ABCC4: variants seen among roughly 807,000 people sequenced by gnomAD.
The protein encoded by ABCC4 is ATP binding cassette subfamily C member 4 (PEL blood group), also known as ATP-binding cassette sub-family C member 4.
A neutral mutation model predicts 168.5 loss-of-function variants in ABCC4; 102 were observed. The observed-to-expected ratio is 0.61, with a 90% CI of 0.52 to 0.71. ABCC4 has a LOEUF of 0.71. ABCC4 is among the 30% of genes least tolerant of loss of function. The probability of loss-of-function intolerance (pLI) is 0.00; values close to 1 mark genes in which losing one functional copy is unlikely to be tolerated. For synonymous variants in ABCC4, 617 were observed against 590.7 expected (o/e 1.04, Z -0.65); for missense variants, 1,402 against 1,605.8 (o/e 0.87, Z 2.17).
intron 27 of ABCC4, among the ~76,000 whole-genome samples, chr13:95,051,607 T>G (rs2139260872): frequency 6.6e-6 from 1 of 152,168 alleles, no homozygotes; most frequent in East Asian, 1.9e-4. Context: ...TTCTTTGAAA[T>G]GAAGAGATCA....
chr13:95,232,155 GTGA>G (rs1188025896), intron 4 of ABCC4, among the ~76,000 whole-genome samples: 5 of 151,692 alleles, frequency 3.3e-5, no homozygotes, highest in Middle Eastern at 3.4e-3. Context: ...GGTGGTGGTG[GTGA>G]TGATGATGAA....
chr13:95,215,700 A>G (rs2039091051), intron 4 of ABCC4, among the ~76,000 whole-genome samples: 1 of 152,214 alleles, frequency 6.6e-6, no homozygotes, highest in Non-Finnish European at 1.5e-5. Flanking sequence ...ATCTCTAACA[A>G]CTCAAAATAT....
intron 1 of ABCC4, among the ~76,000 whole-genome samples, chr13:95,282,688 T>C (rs9524882): frequency 1 from 151,471 of 151,840 alleles, 75,553 homozygotes; most frequent in Middle Eastern, 1. Context: ...GTGCACGCCA[T>C]CATGCCTGGC....
intron 21 of ABCC4, among the ~76,000 whole-genome samples, chr13:95,079,687 T>G (rs532255752): frequency 1.3e-5 from 2 of 152,034 alleles, no homozygotes; most frequent in African/African-American, 2.4e-5. Flanking sequence ...ATACAAAAAT[T>G]AGCCAGGTGT....
At chr13:95,290,874 G>A (rs7324937) in intron 1 of ABCC4, among the ~76,000 whole-genome samples, 96,807 of 150,254 alleles carry the variant, frequency 0.64, 32,766 homozygotes, top group Non-Finnish European at 0.76. Context: ...GCAAGCACCT[G>A]TAATCCCAGC....
chr13:95,259,756 T>C (rs895629579), intron 1 of ABCC4, among the ~76,000 whole-genome samples: 4 of 151,926 alleles, frequency 2.6e-5, no homozygotes, highest in African/African-American at 9.7e-5. Flanking sequence ...ATAAACCCAT[T>C]AGTAAATCCA....
chr13:95,224,493 T>C (rs2039399613), intron 4 of ABCC4, among the ~76,000 whole-genome samples: 1 of 152,156 alleles, frequency 6.6e-6, no homozygotes, highest in South Asian at 2.1e-4. Context: ...TCCCAGCACT[T>C]TGGGAGGCCA....
chr13:95,058,600 A>AAAAAAAAG (rs2033165601), intron 26 of ABCC4, among the ~76,000 whole-genome samples: 1 of 149,392 alleles, frequency 6.7e-6, no homozygotes, highest in Admixed American at 6.6e-5. Flanking sequence ...AAAGAAAAGA[A>AAAAAAAAG]AAAGAAAAAG....
intron 29 of ABCC4, among the ~76,000 whole-genome samples, chr13:95,043,039 A>C (rs2032425892): frequency 6.6e-6 from 1 of 152,098 alleles, no homozygotes. Context: ...TAAAGTGCTG[A>C]GATTACAGGC....
intron 19 of ABCC4, among the ~76,000 whole-genome samples, chr13:95,143,065 G>T (rs761439444): frequency 1.7e-4 from 26 of 152,070 alleles, no homozygotes; most frequent in Non-Finnish European, 3.5e-4. Context: ...TTTTTCAGCT[G>T]GGGTCTCACC....
At chr13:95,211,508 C>T (rs879671898) in intron 4 of ABCC4, among the ~76,000 whole-genome samples, 7 of 151,964 alleles carry the variant, frequency 4.6e-5, no homozygotes, top group African/African-American at 1.7e-4. Context: ...GACAGAAGTA[C>T]GGAGAAGGAG....
rs2139543309 is a variant in ABCC4 at position 95,161,310 on chromosome 13, A to G, written c.2334T>C (p.Phe778=). The change falls in exon 19 of 31, where the codon TTT becomes TTC. Residue 778 remains phenylalanine (F), a synonymous_variant. Coordinates refer to ENST00000645237, the MANE Select transcript of ABCC4 (RefSeq NM_005845.5). ...YSGLTVATVL[F]GIARSLLVFY... is the part of the protein sequence containing the mutation. ...ATACCAATAGAGATCTTGCTATGCC[A>G]AAAAGAACGGTAGCTACAGTTAAAC... The G allele has an allele frequency of 6.3e-7, 1 of 1,592,642 alleles. No homozygotes were observed. The highest frequency in any genetic ancestry group is 2.3e-5 in the East Asian group (1 of 44,090).
At chr13:95,246,907 C>T in intron 3 of ABCC4, 68 bp downstream of exon 3, 2 of 1,540,688 alleles carry the variant, frequency 1.3e-6, no homozygotes, top group South Asian at 1.2e-5. Flanking sequence ...ATTACAGCAC[C>T]AGTCAATGGC....
In ABCC4 at chr13:95,234,593, T is replaced by C. The variant is rs188883104; in HGVS notation, c.531+17A>G. The C allele has an allele frequency of 2.4e-5, 38 of 1,602,440 alleles. No individual in the cohort carries two copies. In the East Asian group the frequency reaches 2.5e-4, roughly 10 times the overall value. ...TGCTTCAGGTGAGGTACATGTTTAA[T>C]GCTGAATGTCACTTACCTTCCGATA... On this transcript the variant is annotated intron_variant, in intron 4 of 30. Transcript: ENST00000645237.
At chr13:95,047,476 CTTTTTTTTTTT>C (rs71111586) in intron 27 of ABCC4, among the ~76,000 whole-genome samples, 11 of 83,370 alleles carry the variant, frequency 1.3e-4, no homozygotes, top group African/African-American at 4.6e-4. Flanking sequence ...ACTGCCTATT[CTTTTTTTTTTT>C]TTTTTTTTTT....
intron 25 of ABCC4, 56 bp downstream of exon 25, chr13:95,071,595 AAGACAACAAGC>A: frequency 7.6e-7 from 1 of 1,319,388 alleles, no homozygotes; most frequent in Non-Finnish European, 9.9e-7. Context: ...ATCCACAAGG[AAGACAACAAGC>A]AGACATAGCA....
At chr13:95,130,681 G>T (rs1186662846) in intron 19 of ABCC4, among the ~76,000 whole-genome samples, 1 of 152,050 alleles carries the variant, frequency 6.6e-6, no homozygotes, top group Admixed American at 6.6e-5. Flanking sequence ...AATCAATAAA[G>T]TCATTAAAAA....
At chr13:95,155,368 G>A (rs1017577900) in intron 19 of ABCC4, among the ~76,000 whole-genome samples, 3 of 151,844 alleles carry the variant, frequency 2.0e-5, no homozygotes, top group African/African-American at 7.3e-5. Flanking sequence ...TTAATCACTG[G>A]GGCAACCCTC....
At chr13:95,125,542 TG>T (rs1566442178) in intron 19 of ABCC4, among the ~76,000 whole-genome samples, 4 of 152,100 alleles carry the variant, frequency 2.6e-5, no homozygotes, top group African/African-American at 4.8e-5. Flanking sequence ...AATGAATGAA[TG>T]AATGAATGAA....
Sources: gnomAD v4.1 joint callset for allele counts (sites outside exome capture counted in the v4.1 genomes callset) on GRCh38, gnomAD v4.1.1 for gene constraint, MANE v1.5 for transcripts, NCBI Gene and HGNC (gene_info 2026-07-23, HGNC 2026-07-21) for gene names.